RAB3B: variants seen among roughly 807,000 people sequenced by gnomAD.
RAB3B encodes the protein ras-related protein Rab-3B.
RAB3B carries 11 observed loss-of-function variants against 20.5 expected under a neutral mutation model. The ratio of observed to expected loss-of-function variants is 0.54; its 90% CI spans 0.34 to 0.89. The LOEUF (loss-of-function observed/expected upper bound fraction) is 0.89, where lower values mean the gene tolerates loss of function less well. Among genes scored for constraint, RAB3B ranks in the 40% least tolerant of loss-of-function variants. The probability of loss-of-function intolerance (pLI) is 0.02; values close to 1 mark genes in which losing one functional copy is unlikely to be tolerated. For missense variants in RAB3B, 225 were observed against 280.9 expected (o/e 0.80, Z 1.42); for synonymous variants, 99 against 106.3 (o/e 0.93, Z 0.42).
chr1:51,941,851 C>T (rs1474573283), intron 2 of RAB3B, among the ~76,000 whole-genome samples: 6 of 152,148 alleles, frequency 3.9e-5, no homozygotes, highest in African/African-American at 1.4e-4. Context: ...GATATTTTCT[C>T]CAGCTCATGA....
chr1:51,970,098 C>T (rs192928620), intron 2 of RAB3B, among the ~76,000 whole-genome samples: 58 of 139,108 alleles, frequency 4.2e-4, no homozygotes, highest in African/African-American at 1.6e-3. Context: ...AAACAAAAAA[C>T]AAACAAACAA....
intron 2 of RAB3B, among the ~76,000 whole-genome samples, chr1:51,962,482 G>A (rs1176634106): frequency 6.6e-6 from 1 of 152,118 alleles, no homozygotes; most frequent in Non-Finnish European, 1.5e-5. Context: ...TCCCACACAC[G>A]CCACACAACC....
rs1233772150 is a variant in RAB3B at position 51,918,725 on chromosome 1, C to G, written c.*1202G>C. The G allele has an allele frequency of 3.9e-5, 6 of 152,170 alleles. No individual in the cohort carries two copies. Among genetic ancestry groups the G allele is most frequent in the Admixed American group, 6.5e-5 (1 of 15,268 alleles). The allele number at this position is 152,170 out of a possible 1,614,324, so 9.4% of individuals were successfully genotyped here. On this transcript the variant is annotated 3_prime_UTR_variant, in exon 5 of 5. Transcript: ENST00000371655. ...GGAAGGTTAGAACTGACTAGTCAGA[C>G]TAGGTAAATTTGGGCATCCCGTCAA...
rs572752786 is a variant in RAB3B at position 51,916,495 on chromosome 1, A to G, written c.*3432T>C. 2.6e-5 allele frequency: 4 copies of G among 152,350 alleles called. No homozygotes were observed. The East Asian group carries it at 7.7e-4, about 29-fold the overall frequency. 9.4% of individuals were successfully genotyped at this position (152,350 alleles called of 1,614,324 possible). ...GACCAGAAAAAAATAGTAATTATCC[A>G]TGACACTGTATACAATGTTACAGTG... On this transcript the variant is annotated 3_prime_UTR_variant, in exon 5 of 5. Coordinates refer to ENST00000371655, the MANE Select transcript of RAB3B (RefSeq NM_002867.4).
chr1:51,966,960 C>A (rs1437258338), intron 2 of RAB3B, among the ~76,000 whole-genome samples: 2 of 152,186 alleles, frequency 1.3e-5, no homozygotes, highest in African/African-American at 4.8e-5. Context: ...AGGGACATCA[C>A]CATGAGCCCT....
At chr1:51,967,144 C>T (rs1684864468) in intron 2 of RAB3B, among the ~76,000 whole-genome samples, 1 of 152,112 alleles carries the variant, frequency 6.6e-6, no homozygotes, top group Non-Finnish European at 1.5e-5. Context: ...GAAAACCTGT[C>T]TCTACTAAAA....
chr1:51,987,862 C>T (rs967524759), intron 1 of RAB3B, among the ~76,000 whole-genome samples: 3 of 152,080 alleles, frequency 2.0e-5, no homozygotes, highest in Admixed American at 6.6e-5. Context: ...CCTCCCTTCA[C>T]TACTGTATTT....
At chr1:51,927,343 G>A (rs1183492519) in intron 4 of RAB3B, among the ~76,000 whole-genome samples, 1 of 152,210 alleles carries the variant, frequency 6.6e-6, no homozygotes, top group African/African-American at 2.4e-5. Flanking sequence ...GGTAAATACA[G>A]AGACCCAGAG....
chr1:51,937,458 G>C (rs766683953), intron 2 of RAB3B, 46 bp from the exon 3 acceptor site: 2 of 1,396,968 alleles, frequency 1.4e-6, no homozygotes, highest in Non-Finnish European at 1.9e-6. Flanking sequence ...AGTCTGCTTT[G>C]GTTCCTAAAA....
At chr1:51,937,496 C>T in intron 2 of RAB3B, 84 bp from the exon 3 acceptor site, 1 of 935,678 alleles carries the variant, frequency 1.1e-6, no homozygotes, top group Non-Finnish European at 1.6e-6. Context: ...ACTAATAACC[C>T]AAGACATTTT....
rs936847355 is a variant in RAB3B at position 51,911,588 on chromosome 1, T to C, written c.*8339A>G. The C allele has an allele frequency of 1.3e-5, 2 of 151,928 alleles. No individual in the cohort carries two copies. Among genetic ancestry groups the C allele is most frequent in the African/African-American group, 4.8e-5 (2 of 41,360 alleles). The allele number at this position is 151,928 out of a possible 1,614,324, so 9.4% of individuals were successfully genotyped here. ...TTTCTATCAGAATCAAAGGAAGAGGTGATCAGCCAAGCCTCCAAACCAGAA... is the reference window on the plus strand; with the variant it reads ...TTTCTATCAGAATCAAAGGAAGAGGCGATCAGCCAAGCCTCCAAACCAGAA... On this transcript the variant is annotated 3_prime_UTR_variant, in exon 5 of 5. Coordinates refer to ENST00000371655, the MANE Select transcript of RAB3B (RefSeq NM_002867.4).
rs1364965136 is a variant in RAB3B, at chr1:51,914,612, A to G, written c.*5315T>C. 1 of 152,182 alleles carries G rather than the reference A, an allele frequency of 6.6e-6. No homozygotes were observed. The highest frequency in any genetic ancestry group is 1.5e-5 in the Non-Finnish European group (1 of 68,042). The allele number at this position is 152,182 out of a possible 1,614,324, so 9.4% of individuals were successfully genotyped here. A position where few individuals can be genotyped will look rare whatever the true frequency, so the allele number is the denominator to read the frequency against. On this transcript the variant is annotated 3_prime_UTR_variant, in exon 5 of 5. Coordinates refer to ENST00000371655, the MANE Select transcript of RAB3B (RefSeq NM_002867.4). ...GAATTTTGTCTACTTCATATAATGG[A>G]TCAGGACCTTAAAAAACCATCATTT... is the stretch of plus-strand genomic sequence containing the variant.
intron 2 of RAB3B, among the ~76,000 whole-genome samples, chr1:51,964,051 C>T (rs1040811893): frequency 2.6e-5 from 4 of 152,168 alleles, no homozygotes; most frequent in Non-Finnish European, 5.9e-5. Flanking sequence ...TCAGCTACCA[C>T]CCCAATTGTC....
At chr1:51,983,036 T>C (rs1156421866) in intron 1 of RAB3B, among the ~76,000 whole-genome samples, 3 of 152,124 alleles carry the variant, frequency 2.0e-5, no homozygotes, top group Admixed American at 6.6e-5. Context: ...GTGTCTTATA[T>C]AGGTGTACCA....
intron 1 of RAB3B, among the ~76,000 whole-genome samples, chr1:51,984,413 CAG>C (rs1258677392): frequency 1.0e-5 from 1 of 98,788 alleles, no homozygotes; most frequent in Non-Finnish European, 1.8e-5. Flanking sequence ...TTTTTTGAGA[CAG>C]AGTCTTGCTC....
chr1:51,980,514 CTGCAGCCACT>C, intron 1 of RAB3B: 1 of 733,898 alleles, frequency 1.4e-6, no homozygotes, highest in Admixed American at 1.7e-5. Flanking sequence ...CCAAAAAGGC[CTGCAGCCACT>C]TGCAGCCTAT....
intron 2 of RAB3B, among the ~76,000 whole-genome samples, chr1:51,953,881 T>C (rs1684673014): frequency 6.6e-6 from 1 of 152,362 alleles, no homozygotes. Context: ...GAAATGCAAT[T>C]GAAATTATGA....
At chr1:51,961,519 T>A (rs1300804564) in intron 2 of RAB3B, among the ~76,000 whole-genome samples, 1 of 152,144 alleles carries the variant, frequency 6.6e-6, no homozygotes, top group African/African-American at 2.4e-5. Context: ...ATGTGCTATT[T>A]TCCAGGCTTG....
At chr1:51,946,554 G>A (rs1340437453) in intron 2 of RAB3B, among the ~76,000 whole-genome samples, 1 of 152,154 alleles carries the variant, frequency 6.6e-6, no homozygotes, top group African/African-American at 2.4e-5. Context: ...TATGGGCAGA[G>A]GATTATGCCA....
Sources: allele counts gnomAD v4.1 joint callset (sites outside exome capture counted in the v4.1 genomes callset), GRCh38; gene constraint gnomAD v4.1.1; transcripts MANE v1.5; gene names NCBI Gene and HGNC (gene_info 2026-07-23, HGNC 2026-07-21).